PLEC: variants seen among roughly 807,000 people sequenced by gnomAD.
PLEC encodes the protein hemidesmosomal protein 1.
PLEC carries 216 observed loss-of-function variants against 392.8 expected under a neutral mutation model. That is an observed-to-expected ratio of 0.55 (90% confidence interval 0.49 to 0.62). The LOEUF (loss-of-function observed/expected upper bound fraction) is 0.62, where lower values mean the gene tolerates loss of function less well. Among genes scored for constraint, PLEC ranks in the 20% least tolerant of loss-of-function variants. The probability of loss-of-function intolerance (pLI) is 0.00; values close to 1 mark genes in which losing one functional copy is unlikely to be tolerated. For synonymous variants in PLEC, 3,621 were observed against 2,980.6 expected, an observed-to-expected ratio of 1.21 and a Z score of -7.00; for missense variants, 6,863 against 6,563.4, an observed-to-expected ratio of 1.05 and a Z score of -1.58.
At chr8:143,967,040 T>G (rs559113075) in intron 1 of PLEC, among the ~76,000 whole-genome samples, 3 of 151,846 alleles carry the variant, frequency 2.0e-5, no homozygotes, top group Non-Finnish European at 4.4e-5. Flanking sequence ...GACTGGTGAG[T>G]GTTAAAAATT....
chr8:143,942,404 G>C (rs782274378), upstream of PLEC: 6 of 1,607,080 alleles, frequency 3.7e-6, no homozygotes, highest in Non-Finnish European at 5.1e-6. Flanking sequence ...ACGCAGCACA[G>C]CTGCTGGTAG....
Position 143,926,029 on chromosome 8 carries a change from A to G in PLEC, c.4045-145T>C. ...GAGGCCCCAGCCCGGCGGAGGAGAC[A>G]GCGTGCACCCGCCCAGGGCGCTCGG... On this transcript the variant is annotated intron_variant, in intron 30 of 31. Transcript: ENST00000345136. The G allele has an allele frequency of 3.2e-6, 3 of 946,508 alleles. No individual in the cohort carries two copies. The South Asian group carries it at 4.3e-5, about 13-fold the overall frequency. 58.6% of individuals were successfully genotyped at this position (946,508 alleles called of 1,614,324 possible).
chr8:143,935,927 A>G lies in PLEC; in HGVS notation c.523T>C (p.Tyr175His), dbSNP rs1554722881. 6.2e-7 allele frequency: 1 copy of G among 1,612,554 alleles called. No individual in the cohort carries two copies. ...AAGTTGTCGCATCGCAGGCCCTGGT[A>G]CCCCTCCACCATTCGCTGCGACCAC... Reference protein sequence around the residue: ...LLWSQRMVEGYQGLRCDNFTS... With the variant: ...LLWSQRMVEGHQGLRCDNFTS... The change falls in exon 6 of 32, where the codon TAC becomes CAC. Residue 175 changes from tyrosine to histidine, a missense_variant. Transcript: ENST00000345136.
chr8:143,965,268 C>T (rs1554741919), intron 1 of PLEC, among the ~76,000 whole-genome samples: 1 of 152,106 alleles, frequency 6.6e-6, no homozygotes, highest in East Asian at 1.9e-4. Context: ...ACAGTCCTGC[C>T]AAGAGCTGAC....
Position 143,920,935 on chromosome 8 carries a change from C to A in PLEC, c.8886G>T (p.Val2962=). 6.2e-7 allele frequency: 1 copy of A among 1,612,944 alleles called. No individual in the cohort carries two copies. The highest frequency in any genetic ancestry group is 8.5e-7 in the Non-Finnish European group (1 of 1,180,040). Residue 2962 remains valine (V), a synonymous_variant, in exon 32 of 32, where the codon GTG becomes GTT. Transcript: ENST00000345136. ...VEKIIKIIIT[V]VEEQEQKGRL... is the part of the protein sequence containing the mutation. ...GGCCCTTCTGCTCCTGCTCCTCCAC[C>A]ACCGTGATGATGATCTTGATGATCT...
intron 12 of PLEC, 144 bp from the exon 13 acceptor site, chr8:143,933,495 C>T: frequency 3.1e-6 from 3 of 971,256 alleles, no homozygotes; most frequent in Non-Finnish European, 4.8e-6. Context: ...TCCCTCCCTG[C>T]CCACCTCACA....
intron 1 of PLEC, among the ~76,000 whole-genome samples, chr8:143,970,875 G>A (rs937852528): frequency 1.3e-5 from 2 of 152,204 alleles, no homozygotes; most frequent in East Asian, 3.9e-4. Context: ...CAGCTGGGCC[G>A]ACTGTCTAAG....
chr8:143,930,643 C>T lies in PLEC; in HGVS notation c.2305-107G>A, dbSNP rs1554714340. Reference sequence around the variant, plus strand: ...GCCTGTGGGGCCCTCCTGATGCTCCCGGGGTGGCAGCACTTGGAAGCAGGA... The same window carrying T: ...GCCTGTGGGGCCCTCCTGATGCTCCTGGGGTGGCAGCACTTGGAAGCAGGA... On this transcript the variant is annotated intron_variant, in intron 19 of 31. Coordinates refer to ENST00000345136, the MANE Select transcript of PLEC (RefSeq NM_201384.3). 8.2e-6 allele frequency: 10 copies of T among 1,222,248 alleles called. No individual in the cohort carries two copies. The Admixed American group carries it at 1.1e-4, about 13-fold the overall frequency. 75.7% of individuals were successfully genotyped at this position (1,222,248 alleles called of 1,614,324 possible).
In PLEC at chr8:143,924,415, C is replaced by G; in HGVS notation, c.5514G>C (p.Lys1838Asn). ...GCGTGGCCTCGCCGATGGCGGCCAG[C>G]TTCTCCGCAAGCACCCGCTCCGCCT... The part of the protein sequence containing the change: ...RAEAERVLAE[K>N]LAAIGEATRL... Residue 1838 changes from lysine to asparagine, a missense_variant, in exon 31 of 32, where the codon AAG becomes AAC. Transcript: ENST00000345136. The G allele has an allele frequency of 6.3e-7, 1 of 1,592,466 alleles. No individual in the cohort carries two copies. Among genetic ancestry groups the G allele is most frequent in the East Asian group, 2.2e-5 (1 of 44,450 alleles).
At chr8:143,970,298 CA>C (rs112313831) in intron 1 of PLEC, among the ~76,000 whole-genome samples, 4,778 of 124,456 alleles carry the variant, frequency 0.038, 193 homozygotes, top group African/African-American at 0.11. Flanking sequence ...TAAAACGCTC[CA>C]AAAAAAAAAA....
At position 143,924,735 on chromosome 8, in the gene PLEC, G is replaced by A; in HGVS notation, c.5194C>T (p.Leu1732=). 2 of 1,533,748 alleles carry A rather than the reference G, an allele frequency of 1.3e-6. No homozygotes were observed. The highest frequency in any genetic ancestry group is 1.7e-6 in the Non-Finnish European group (2 of 1,145,910). Residue 1732 remains leucine, a synonymous_variant, in exon 31 of 32, where the codon CTG becomes TTG. Transcript: ENST00000345136. ...TEQGEQQRQL[L]EEELARLQRE... ...TGCAGCCGGGCCAGCTCCTCCTCCA[G>A]CAGCTGCCGCTGCTGCTCCCCCTGC... is the stretch of plus-strand genomic sequence containing the variant.
intron 1 of PLEC, chr8:143,944,869 G>A: frequency 2.0e-6 from 1 of 497,846 alleles, no homozygotes; most frequent in Non-Finnish European, 3.4e-6. Context: ...GGGCGCGCAA[G>A]GACCGTCACC....
intron 19 of PLEC, 65 bp downstream of exon 19, chr8:143,931,469 T>C: frequency 6.5e-7 from 1 of 1,539,600 alleles, no homozygotes; most frequent in African/African-American, 1.4e-5. Context: ...GTCTCCAGAG[T>C]ACCCGTGCAG....
chr8:143,950,980 G>T, upstream of PLEC: 1 of 595,416 alleles, frequency 1.7e-6, no homozygotes, highest in Non-Finnish European at 2.8e-6. Flanking sequence ...TGACTCAGCA[G>T]CATGGGCGGC....
upstream of PLEC, among the ~76,000 whole-genome samples, chr8:143,953,487 A>G (rs1338462578): frequency 3.4e-3 from 509 of 149,356 alleles, 3 homozygotes; most frequent in African/African-American, 0.012. Flanking sequence ...TGCAGCAGCC[A>G]CCCCGCCCCC....
Position 143,935,358 on chromosome 8 carries a change from C to T in PLEC, c.603-45G>A, listed in dbSNP as rs143885660. On this transcript the variant is annotated intron_variant, in intron 6 of 31. Transcript: ENST00000345136. Reference sequence around the variant, plus strand: ...GGTCAGGTGGGTGGGACAAGACCAGCGGCCACACCACACAGGCGGGTGCAC... The same window carrying T: ...GGTCAGGTGGGTGGGACAAGACCAGTGGCCACACCACACAGGCGGGTGCAC... The T allele has an allele frequency of 2.4e-5, 32 of 1,355,796 alleles. 1 individual carries two copies. Among genetic ancestry groups the T allele is most frequent in the South Asian group, 3.5e-5 (3 of 84,770 alleles). 84.0% of individuals were successfully genotyped at this position (1,355,796 alleles called of 1,614,324 possible).
intron 1 of PLEC, among the ~76,000 whole-genome samples, chr8:143,959,461 C>T (rs1300615835): frequency 2.6e-5 from 4 of 152,344 alleles, no homozygotes; most frequent in Non-Finnish European, 4.4e-5. Flanking sequence ...GCTCGGGGTC[C>T]GGGATGCAGA....
intron 1 of PLEC, among the ~76,000 whole-genome samples, chr8:143,965,228 G>C (rs1484076129): frequency 1.3e-5 from 2 of 151,992 alleles, no homozygotes; most frequent in African/African-American, 4.8e-5. Context: ...CCTGGTCCTG[G>C]GTCTCCTCTG....
At chr8:143,951,988 C>G (rs1832198925), upstream of PLEC, among the ~76,000 whole-genome samples, 1 of 152,172 alleles carries the variant, frequency 6.6e-6, no homozygotes, top group South Asian at 2.1e-4. Context: ...CTGCTCGCCC[C>G]AAGCCGACAC....
Sources: gnomAD v4.1 joint callset for allele counts (sites outside exome capture counted in the v4.1 genomes callset) on GRCh38, gnomAD v4.1.1 for gene constraint, MANE v1.5 for transcripts, NCBI Gene and HGNC (gene_info 2026-07-23, HGNC 2026-07-21) for gene names.